UBR1: variants seen among roughly 807,000 people sequenced by gnomAD.
The protein encoded by UBR1 is ubiquitin protein ligase E3 component n-recognin 1.
In UBR1, 102 loss-of-function variants were observed where a neutral mutation model predicts 242.1. The observed-to-expected ratio is 0.42, with a 90% CI of 0.36 to 0.50. UBR1 has a LOEUF of 0.50. Ranked by LOEUF, UBR1 falls within the 20% of genes least tolerant of loss-of-function variation. The pLI is 0.01. For missense variants in UBR1, 1,772 were observed against 2,101.8 expected (o/e 0.84, Z 3.07); for synonymous variants, 675 against 684.8 (o/e 0.99, Z 0.22).
intron 29 of UBR1, among the ~76,000 whole-genome samples, chr15:43,011,726 T>A (rs997924170): frequency 1.3e-5 from 2 of 152,198 alleles, no homozygotes; most frequent in African/African-American, 4.8e-5. Flanking sequence ...TGGCCACATC[T>A]ATAAAAATTT....
intron 1 of UBR1, among the ~76,000 whole-genome samples, chr15:43,105,339 T>A (rs1042606428): frequency 6.6e-6 from 1 of 152,346 alleles, no homozygotes; most frequent in East Asian, 1.9e-4. Context: ...AAAGTATAGA[T>A]TCCGACATCA....
intron 46 of UBR1, among the ~76,000 whole-genome samples, chr15:42,946,113 A>T (rs2031728975): frequency 1.3e-5 from 2 of 151,450 alleles, no homozygotes; most frequent in South Asian, 2.1e-4. Flanking sequence ...CTGGTTGGGG[A>T]TTTTTTTTGT....
In UBR1 at chr15:43,032,571, C is replaced by A; in HGVS notation, c.2251G>T (p.Val751Leu). ...AAACATTGTGTTTTAATCTTACCCA[C>A]AATATAGATGAGGACCTGAAGCATT... Reference protein sequence around the residue: ...EEMLQVLIYIVGERYVPGVGN... With the variant: ...EEMLQVLIYILGERYVPGVGN... The change falls in exon 20 of 47, where the codon GTG becomes TTG. Residue 751 changes from valine to leucine, a missense_variant. Physicochemically the swap from Val to Leu is conservative, Grantham distance 32 (BLOSUM62 1). Around this residue, in one of 3 missense-constraint regions of UBR1, gnomAD observed 73 missense variants for 128.9 expected, o/e 0.57. Transcript: ENST00000290650. 6.5e-7 allele frequency: 1 copy of A among 1,531,034 alleles called. No individual in the cohort carries two copies. The highest frequency in any genetic ancestry group is 1.1e-5 in the South Asian group (1 of 88,874). 94.8% of individuals were successfully genotyped at this position (1,531,034 alleles called of 1,614,324 possible). A position where few individuals can be genotyped will look rare whatever the true frequency, so the allele number is the denominator to read the frequency against.
At chr15:43,048,369 G>T (rs890263267) in intron 13 of UBR1, 23 bp downstream of exon 13, 22 of 1,570,428 alleles carry the variant, frequency 1.4e-5, no homozygotes, top group Non-Finnish European at 1.7e-5. Flanking sequence ...TTCTTTTACT[G>T]ATGTACAGAA....
At chr15:43,038,339 T>G in intron 15 of UBR1, 107 bp from the exon 16 acceptor site, 1 of 1,096,034 alleles carries the variant, frequency 9.1e-7, no homozygotes, top group Non-Finnish European at 1.4e-6. Flanking sequence ...CTGGGCGCGG[T>G]GGCTCATGCC....
At chr15:43,025,669 C>T (rs1211112835) in intron 23 of UBR1, 3 of 491,722 alleles carry the variant, frequency 6.1e-6, no homozygotes, top group African/African-American at 5.8e-5. Flanking sequence ...AAAATATTTA[C>T]CCAGTACCTA....
Position 42,996,999 on chromosome 15 carries a change from C to T in UBR1, c.3757+1169G>A, listed in dbSNP as rs576227065. On this transcript the variant is annotated intron_variant, in intron 33 of 46. Transcript: ENST00000290650. ...GGGTCCTCAACCCCAGGGCCATGGA[C>T]GAGTACCAGTCTATGGCCTGTTGGG... Among the ~76,000 whole-genome samples, 15 of 152,270 alleles carry T rather than the reference C, an allele frequency of 9.9e-5. No homozygotes were observed. In the South Asian group the frequency reaches 1.5e-3, roughly 15 times the overall value.
chr15:43,052,161 A>G (rs2033565183), intron 12 of UBR1, among the ~76,000 whole-genome samples: 1 of 152,222 alleles, frequency 6.6e-6, no homozygotes, highest in Non-Finnish European at 1.5e-5. Context: ...TTCTTGGCAC[A>G]TAAATGGTAT....
At chr15:43,049,286 G>A (rs2033523164) in intron 12 of UBR1, among the ~76,000 whole-genome samples, 1 of 152,168 alleles carries the variant, frequency 6.6e-6, no homozygotes, top group African/African-American at 2.4e-5. Flanking sequence ...TATAAAAGAG[G>A]TAATGTATGG....
intron 30 of UBR1, among the ~76,000 whole-genome samples, chr15:43,004,623 T>C (rs1029438423): frequency 6.6e-6 from 1 of 152,216 alleles, no homozygotes; most frequent in Non-Finnish European, 1.5e-5. Context: ...GCGAGTGATC[T>C]GCCTGCCTCA....
chr15:42,975,159 G>T (rs993026973), intron 39 of UBR1, among the ~76,000 whole-genome samples: 4 of 152,154 alleles, frequency 2.6e-5, no homozygotes, highest in Non-Finnish European at 5.9e-5. Context: ...GCCTCCCAAA[G>T]TGCTGGGATT....
chr15:42,948,123 T>G (rs538999272), intron 46 of UBR1, among the ~76,000 whole-genome samples: 33 of 152,236 alleles, frequency 2.2e-4, no homozygotes, highest in South Asian at 1.5e-3. Context: ...CCCTCAGAAA[T>G]AATGCTGCAT....
intron 1 of UBR1, among the ~76,000 whole-genome samples, chr15:43,095,908 TG>T (rs2034153880): frequency 6.6e-6 from 1 of 152,114 alleles, no homozygotes; most frequent in African/African-American, 2.4e-5. Context: ...CACAATAGAG[TG>T]AACATAAAGT....
At chr15:43,029,042 G>C (rs575641193) in intron 21 of UBR1, among the ~76,000 whole-genome samples, 1 of 151,834 alleles carries the variant, frequency 6.6e-6, no homozygotes, top group Non-Finnish European at 1.5e-5. Context: ...CCAAGATTGT[G>C]CCACTACACT....
chr15:43,004,607 C>T (rs2032776950), intron 30 of UBR1, among the ~76,000 whole-genome samples: 1 of 152,222 alleles, frequency 6.6e-6, no homozygotes, highest in African/African-American at 2.4e-5. Context: ...TCTCCAGCTC[C>T]TGACCGCGAG....
intron 46 of UBR1, among the ~76,000 whole-genome samples, chr15:42,946,873 T>C (rs2031744350): frequency 2.0e-5 from 3 of 151,958 alleles, no homozygotes; most frequent in Non-Finnish European, 4.4e-5. Context: ...CTCAGTTGGG[T>C]GCAGTGGCTC....
chr15:43,075,554 G>A (rs866086171), intron 3 of UBR1, among the ~76,000 whole-genome samples: 65 of 151,830 alleles, frequency 4.3e-4, no homozygotes, highest in Middle Eastern at 3.4e-3. Flanking sequence ...TCGTCATCTA[G>A]CATTAGGTAT....
At chr15:43,018,644 G>A (rs956175205) in intron 27 of UBR1, among the ~76,000 whole-genome samples, 1 of 152,116 alleles carries the variant, frequency 6.6e-6, no homozygotes. Flanking sequence ...ACCCACCTTA[G>A]CTTCCCAAAG....
intron 1 of UBR1, among the ~76,000 whole-genome samples, chr15:43,094,947 A>C (rs1019038986): frequency 6.6e-6 from 1 of 152,160 alleles, no homozygotes; most frequent in African/African-American, 2.4e-5. Flanking sequence ...GTCCCTCCTA[A>C]GGGACAAATT....
Sources: allele counts gnomAD v4.1 joint callset (sites outside exome capture counted in the v4.1 genomes callset), GRCh38; gene constraint gnomAD v4.1.1; regional missense constraint gnomAD v4.1.1; transcripts MANE v1.5; gene names NCBI Gene and HGNC (gene_info 2026-07-23, HGNC 2026-07-21).